Variants in RSL1D1 observed in about 807,000 individuals in gnomAD.
The protein encoded by RSL1D1 is ribosomal L1 domain containing 1.
A neutral mutation model predicts 44.6 loss-of-function variants in RSL1D1; 34 were observed. The observed-to-expected ratio is 0.76, with a 90% confidence interval of 0.58 to 1.02. The LOEUF is 1.02. Ranked by LOEUF, RSL1D1 falls within the 50% of genes least tolerant of loss-of-function variation. The probability of loss-of-function intolerance (pLI) is 0.00; values close to 1 mark genes in which losing one functional copy is unlikely to be tolerated. For synonymous variants in RSL1D1, 271 were observed against 207.4 expected, an observed-to-expected ratio of 1.31 and a Z score of -2.63; for missense variants, 767 against 568.1, an observed-to-expected ratio of 1.35 and a Z score of -3.56.
At chr16:11,850,171 TTTA>T (rs1418406660) in intron 2 of RSL1D1, 105 bp downstream of exon 2, 3 of 1,119,378 alleles carry the variant, frequency 2.7e-6, no homozygotes, top group Non-Finnish European at 3.7e-6. Context: ...ACGTCAGATT[TTTA>T]TTATAAGTTT....
rs1262214898 is a variant in RSL1D1 at position 11,835,421 on chromosome 16, G to A, written c.*2366C>T. 6.6e-6 allele frequency: 1 copy of A among 152,154 alleles called. No individual in the cohort carries two copies. The highest frequency in any genetic ancestry group is 1.5e-5 in the Non-Finnish European group (1 of 68,114). The allele number at this position is 152,154 out of a possible 1,614,324, so 9.4% of individuals were successfully genotyped here. ...GGTCTCAGAACTCCTGGCCTCAAGT[G>A]ATCTGCCAGCCTTGGCTGGGATTAC... is the stretch of plus-strand genomic sequence containing the variant. On this transcript the variant is annotated 3_prime_UTR_variant, in exon 9 of 9. Transcript: ENST00000571133.
chr16:11,847,673 A>G lies in RSL1D1; in HGVS notation c.379T>C (p.Ser127Pro), dbSNP rs372100276. 1.2e-6 allele frequency: 2 copies of G among 1,606,674 alleles called. No homozygotes were observed. The highest frequency in any genetic ancestry group is 1.3e-5 in the African/African-American group (1 of 74,540). Residue 127 changes from serine to proline, a missense_variant, in exon 3 of 9, where the codon TCT becomes CCT. Transcript: ENST00000571133. ...LLNKHGIKTV[S>P]QIISLQTLKK... ...ATATTAACCAGGCTTCCTACCTGAG[A>G]AACGGTTTTAATTCCATGCTTGTTT...
Position 11,841,831 on chromosome 16 carries a change from G to T in RSL1D1, c.730-11C>A, listed in dbSNP as rs768285459. 3 of 1,574,894 alleles carry T rather than the reference G, an allele frequency of 1.9e-6. No individual in the cohort carries two copies. The highest frequency in any genetic ancestry group is 1.1e-5 in the South Asian group (1 of 87,638). The stretch of plus-strand genomic sequence containing the variant: ...CACGCTCTCCCACTTCTGAAACAAA[G>T]AAAAGAGTAACATCGTCTACATATA... On this transcript the variant is annotated splice_polypyrimidine_tract_variant and intron_variant, in intron 6 of 8. Coordinates refer to ENST00000571133, the MANE Select transcript of RSL1D1 (RefSeq NM_015659.3).
Position 11,841,238 on chromosome 16 carries a change from T to G in RSL1D1, c.855+457A>C, listed in dbSNP as rs554025135. Reference sequence around the variant, plus strand: ...CAGCCTGGGAAACAGGGCGACCATGTGTGTACAAAAAATAATTTAAAAATT... The same window carrying G: ...CAGCCTGGGAAACAGGGCGACCATGGGTGTACAAAAAATAATTTAAAAATT... On this transcript the variant is annotated intron_variant, in intron 7 of 8. Coordinates refer to ENST00000571133, the MANE Select transcript of RSL1D1 (RefSeq NM_015659.3). 3.4e-4 allele frequency among the ~76,000 whole-genome samples: 51 copies of G among 152,060 alleles called. No homozygotes were observed. In the South Asian group the frequency reaches 4.6e-3, roughly 14 times the overall value.
At chr16:11,843,366 C>T (rs1394494994) in intron 5 of RSL1D1, among the ~76,000 whole-genome samples, 1 of 151,878 alleles carries the variant, frequency 6.6e-6, no homozygotes, top group Non-Finnish European at 1.5e-5. Context: ...CCACCATGCC[C>T]AGCCGAGGCA....
At chr16:11,847,534 C>T (rs1212639608) in intron 3 of RSL1D1, 134 bp downstream of exon 3, 3 of 753,848 alleles carry the variant, frequency 4.0e-6, no homozygotes, top group Admixed American at 5.0e-5. Context: ...TACTGATGTA[C>T]ACGCCACCAC....
chr16:11,844,851 C>T (rs2053786937), intron 5 of RSL1D1, among the ~76,000 whole-genome samples: 1 of 152,190 alleles, frequency 6.6e-6, no homozygotes, highest in Admixed American at 6.5e-5. Context: ...CCTGCCCTAC[C>T]TCCCCAAGCT....
intron 8 of RSL1D1, among the ~76,000 whole-genome samples, chr16:11,838,820 G>T (rs375063642): frequency 2.1e-5 from 3 of 141,456 alleles, no homozygotes; most frequent in African/African-American, 8.3e-5. Context: ...TCATGCCACT[G>T]CACTCCATCC....
intron 5 of RSL1D1, among the ~76,000 whole-genome samples, chr16:11,844,886 T>TA (rs1325346479): frequency 1.3e-5 from 2 of 152,164 alleles, no homozygotes; most frequent in Admixed American, 6.5e-5. Context: ...AATACAAACT[T>TA]AAGTCACTTC....
intron 2 of RSL1D1, 38 bp from the exon 3 acceptor site, chr16:11,847,844 T>A (rs767922904): frequency 6.3e-7 from 1 of 1,595,416 alleles, no homozygotes; most frequent in East Asian, 2.2e-5. Flanking sequence ...GAAAGCATTA[T>A]TACACACATT....
chr16:11,838,253 G>T, intron 8 of RSL1D1, 140 bp from the exon 9 acceptor site: 1 of 700,932 alleles, frequency 1.4e-6, no homozygotes, highest in Non-Finnish European at 2.2e-6. Flanking sequence ...GAGTGCAATG[G>T]CACAATCTCA....
chr16:11,838,851 T>A (rs1421110818), intron 8 of RSL1D1, among the ~76,000 whole-genome samples: 6 of 127,794 alleles, frequency 4.7e-5, no homozygotes, highest in African/African-American at 2.2e-4. Flanking sequence ...AGTGAGACCT[T>A]GTCTCAAAAA....
chr16:11,850,045 T>G (rs1475956130), intron 2 of RSL1D1, among the ~76,000 whole-genome samples: 2 of 152,160 alleles, frequency 1.3e-5, no homozygotes, highest in Admixed American at 6.6e-5. Flanking sequence ...CAGGCTGGTT[T>G]TGAACTCCCG....
rs770878720 is a variant in RSL1D1 at position 11,846,057 on chromosome 16, T to C, written c.635+444A>G. On this transcript the variant is annotated intron_variant, in intron 5 of 8. Transcript: ENST00000571133. Reference sequence around the variant, plus strand: ...CCGAGAATTGATCACTTCTGAGGAATAGATTTTAGTTTTAAAAAAGGATCT... The same window carrying C: ...CCGAGAATTGATCACTTCTGAGGAACAGATTTTAGTTTTAAAAAAGGATCT... 1.7e-4 allele frequency among the ~76,000 whole-genome samples: 26 copies of C among 151,256 alleles called. 1 individual carries two copies. The highest frequency in any genetic ancestry group is 1.2e-3 in the Admixed American group (18 of 15,178).
intron 7 of RSL1D1, 47 bp downstream of exon 7, chr16:11,841,648 T>TG: frequency 1.3e-6 from 2 of 1,557,002 alleles, no homozygotes; most frequent in Non-Finnish European, 1.8e-6. Context: ...GTGACTGAAT[T>TG]TACACCCTTC....
At chr16:11,844,042 A>G (rs1029140888) in intron 5 of RSL1D1, among the ~76,000 whole-genome samples, 1 of 152,130 alleles carries the variant, frequency 6.6e-6, no homozygotes, top group African/African-American at 2.4e-5. Context: ...GCCAGAAGGA[A>G]GGCTCACTGT....
chr16:11,838,368 A>T (rs1414093627), intron 8 of RSL1D1, among the ~76,000 whole-genome samples: 1 of 151,686 alleles, frequency 6.6e-6, no homozygotes, highest in South Asian at 2.1e-4. Context: ...TCACCATGTT[A>T]GCCAGGCTGG....
At position 11,839,793 on chromosome 16, in the gene RSL1D1, T is replaced by C. The variant is rs1338787109; in HGVS notation, c.1048A>G (p.Arg350Gly). The C allele has an allele frequency of 9.9e-6, 16 of 1,614,068 alleles. No individual in the cohort carries two copies. The Admixed American group carries it at 1.0e-4, about 10-fold the overall frequency. Residue 350 changes from arginine (R) to glycine (G), a missense_variant, in exon 8 of 9, where the codon AGA (arginine) becomes GGA (glycine). Arg to Gly is a moderately radical substitution (Grantham distance 125). Coordinates refer to ENST00000571133, the MANE Select transcript of RSL1D1 (RefSeq NM_015659.3). ...GTTGCTTTAACTTGGGCTTTTCCTCTGCCACGTTTTTTCTTCCCATGCTCT... is the reference window on the plus strand; with the variant it reads ...GTTGCTTTAACTTGGGCTTTTCCTCCGCCACGTTTTTTCTTCCCATGCTCT... ...TPEHGKKKRG[R>G]GKAQVKATNE...
At position 11,848,603 on chromosome 16, in the gene RSL1D1, T is replaced by C. The variant is rs189705679; in HGVS notation, c.246-797A>G. 1.4e-4 allele frequency among the ~76,000 whole-genome samples: 21 copies of C among 152,282 alleles called. No homozygotes were observed. The East Asian group carries it at 4.1e-3, about 29-fold the overall frequency. ...GCAGTGGTGTGATCATAGCTCACGA[T>C]AGCCTCCAGCATAGCTGAGACTCCA... On this transcript the variant is annotated intron_variant, in intron 2 of 8. Coordinates refer to ENST00000571133, the MANE Select transcript of RSL1D1 (RefSeq NM_015659.3).
Sources: allele counts gnomAD v4.1 joint callset (sites outside exome capture counted in the v4.1 genomes callset), GRCh38; gene constraint gnomAD v4.1.1; transcripts MANE v1.5; gene names NCBI Gene and HGNC (gene_info 2026-07-23, HGNC 2026-07-21).